SVOPL: variants seen among roughly 807,000 people sequenced by gnomAD.
The protein encoded by SVOPL is SVOP like.
Under a neutral mutation model 61.0 loss-of-function variants are expected in SVOPL, and 60 were observed. The observed-to-expected ratio is 0.98, with a 90% CI of 0.80 to 1.22. SVOPL has a LOEUF of 1.22. SVOPL is among the 50% of genes most tolerant of loss of function. The pLI is 0.00. For missense variants in SVOPL, 662 were observed against 643.9 expected (o/e 1.03, Z -0.30); for synonymous variants, 279 against 250.0 (o/e 1.12, Z -1.09).
At chr7:138,639,727 C>T (rs1261905547) in intron 9 of SVOPL, among the ~76,000 whole-genome samples, 4 of 151,970 alleles carry the variant, frequency 2.6e-5, no homozygotes, top group Non-Finnish European at 5.9e-5. Flanking sequence ...AGGGTCTCGC[C>T]CTGTTGTCCG....
Position 138,628,335 on chromosome 7 carries a change from C to G in SVOPL, c.892G>C (p.Val298Leu). 1 of 1,614,084 alleles carries G rather than the reference C, an allele frequency of 6.2e-7. No homozygotes were observed. The highest frequency in any genetic ancestry group is 8.5e-7 in the Non-Finnish European group (1 of 1,180,040). ...AGCAGCTCAGCACTGGCCAGGATAA[C>G]CCCATAGTAGGCAAAAGAGATTCCA... The part of the protein sequence containing the change: ...WLGISFAYYG[V>L]ILASAELLER... The change falls in exon 11 of 16, where the codon GTT becomes CTT. Residue 298 changes from valine (V) to leucine (L), a missense_variant. Transcript: ENST00000674285.
At chr7:138,621,970 C>G (rs199854759) in intron 13 of SVOPL, among the ~76,000 whole-genome samples, 5 of 35,250 alleles carry the variant, frequency 1.4e-4, no homozygotes, top group African/African-American at 7.8e-4. Context: ...ATGTATCTAT[C>G]TATGTATCTA....
chr7:138,665,635 G>A (rs375936230), intron 4 of SVOPL, among the ~76,000 whole-genome samples: 23 of 152,206 alleles, frequency 1.5e-4, no homozygotes, highest in African/African-American at 5.5e-4. Context: ...TATAAAAAAC[G>A]GTATCACGTA....
intron 5 of SVOPL, chr7:138,662,590 G>A (rs1469344729): frequency 2.0e-6 from 2 of 987,246 alleles, no homozygotes; most frequent in Non-Finnish European, 1.2e-6. Context: ...GAAGGGCTAA[G>A]GGGCCTTTTC....
chr7:138,694,401 C>T (rs1319398881), intron 1 of SVOPL, among the ~76,000 whole-genome samples: 3 of 151,994 alleles, frequency 2.0e-5, no homozygotes, highest in South Asian at 2.1e-4. Flanking sequence ...CCTGCCACCA[C>T]GCCCACCTAA....
chr7:138,638,532 T>C (rs567544313), intron 9 of SVOPL, among the ~76,000 whole-genome samples: 2 of 152,058 alleles, frequency 1.3e-5, no homozygotes. Flanking sequence ...GAGGTCAAGA[T>C]TGCAGTGAAC....
In SVOPL at chr7:138,597,238, C is replaced by G. The variant is rs755444689; in HGVS notation, c.1354-708G>C. 6 of 1,288,046 alleles carry G rather than the reference C, an allele frequency of 4.7e-6. 1 individual carries two copies. In the South Asian group the frequency reaches 7.4e-5, roughly 16 times the overall value. 79.8% of individuals were successfully genotyped at this position (1,288,046 alleles called of 1,614,324 possible). On this transcript the variant is annotated intron_variant, in intron 14 of 15. Transcript: ENST00000674285. ...AGTAAAGTATGAAGTGGTTAACCAA[C>G]AGCAAAGCTCTCTAGAATCACAGAA... is the stretch of plus-strand genomic sequence containing the variant.
intron 9 of SVOPL, among the ~76,000 whole-genome samples, chr7:138,643,725 A>G (rs1800951809): frequency 1.3e-5 from 2 of 151,302 alleles, no homozygotes; most frequent in Non-Finnish European, 2.9e-5. Context: ...AGAGACAAAC[A>G]ATAGGATAGT....
chr7:138,613,711 T>A (rs1246530696), intron 14 of SVOPL, among the ~76,000 whole-genome samples: 1 of 152,192 alleles, frequency 6.6e-6, no homozygotes, highest in Non-Finnish European at 1.5e-5. Flanking sequence ...TATTTTACAT[T>A]AATTGCATAT....
chr7:138,653,430 G>A (rs558149588), intron 7 of SVOPL, among the ~76,000 whole-genome samples: 7 of 152,292 alleles, frequency 4.6e-5, no homozygotes, highest in African/African-American at 1.4e-4. Flanking sequence ...GTTATTAGGG[G>A]TTAATGCTCC....
intron 9 of SVOPL, among the ~76,000 whole-genome samples, chr7:138,643,892 G>A (rs1300464677): frequency 2.6e-5 from 4 of 151,954 alleles, no homozygotes; most frequent in African/African-American, 9.7e-5. Context: ...TTTAAAAACT[G>A]TTAAGATAAT....
chr7:138,630,473 TA>T (rs1800126353), intron 9 of SVOPL, among the ~76,000 whole-genome samples: 1 of 152,158 alleles, frequency 6.6e-6, no homozygotes, highest in South Asian at 2.1e-4. Flanking sequence ...GAGATTCTTC[TA>T]AAATTAACAT....
intron 7 of SVOPL, among the ~76,000 whole-genome samples, chr7:138,649,626 CTG>C (rs2117024646): frequency 6.6e-6 from 1 of 152,058 alleles, no homozygotes; most frequent in East Asian, 1.9e-4. Context: ...CTAAAGAACT[CTG>C]TTACCAACAA....
intron 9 of SVOPL, among the ~76,000 whole-genome samples, chr7:138,641,249 A>T (rs532754190): frequency 1.9e-4 from 28 of 150,274 alleles, no homozygotes; most frequent in African/African-American, 7.0e-4. Context: ...AAAAAAACTT[A>T]AATTCAGTTT....
rs537964988 is a variant in SVOPL at position 138,648,571 on chromosome 7, G to A, written c.660+441C>T. Among the ~76,000 whole-genome samples the A allele has an allele frequency of 2.1e-3, 314 of 151,498 alleles. 1 individual carries two copies. Among genetic ancestry groups the A allele is most frequent in the African/African-American group, 6.4e-3 (265 of 41,308 alleles). ...AAAAAAAAAAAAATTAGTCAGGCGC[G>A]GTGGTGGGCGCCTGTAGTCCCAGCT... On this transcript the variant is annotated intron_variant, in intron 8 of 15. Coordinates refer to ENST00000674285, the MANE Select transcript of SVOPL (RefSeq NM_001139456.2).
chr7:138,625,927 C>T, intron 13 of SVOPL, 42 bp downstream of exon 13: 1 of 1,601,502 alleles, frequency 6.2e-7, no homozygotes, highest in Non-Finnish European at 8.6e-7. Flanking sequence ...AAGTAGCTCA[C>T]CTTACACACC....
intron 1 of SVOPL, among the ~76,000 whole-genome samples, chr7:138,682,572 A>G (rs1563137393): frequency 6.6e-6 from 1 of 152,244 alleles, no homozygotes. Flanking sequence ...AAAGAAGAGG[A>G]AAGGGGAACC....
At chr7:138,691,419 G>A (rs1241184328) in intron 1 of SVOPL, among the ~76,000 whole-genome samples, 1 of 152,162 alleles carries the variant, frequency 6.6e-6, no homozygotes, top group Non-Finnish European at 1.5e-5. Context: ...AATCTTAAAG[G>A]TTTACATTTT....
At position 138,656,438 on chromosome 7, in the gene SVOPL, G is replaced by A. The variant is rs746779828; in HGVS notation, c.534+10C>T. On this transcript the variant is annotated intron_variant, in intron 7 of 15. Transcript: ENST00000674285. ...TGCCAAAGGCAGGTAGAACTCCTACGTTGCCTTACCTGAGACAAGGGTAAC... is the reference window on the plus strand; with the variant it reads ...TGCCAAAGGCAGGTAGAACTCCTACATTGCCTTACCTGAGACAAGGGTAAC... 1.4e-5 allele frequency: 23 copies of A among 1,613,554 alleles called. No homozygotes were observed. The highest frequency in any genetic ancestry group is 1.2e-4 in the African/African-American group (9 of 74,890).
Sources: allele counts gnomAD v4.1 joint callset (sites outside exome capture counted in the v4.1 genomes callset), GRCh38; gene constraint gnomAD v4.1.1; transcripts MANE v1.5; gene names NCBI Gene and HGNC (gene_info 2026-07-23, HGNC 2026-07-21).